Variants in SEMA4D observed in about 807,000 individuals in gnomAD.
The protein encoded by SEMA4D is semaphorin-4D.
Under a neutral mutation model 74.8 loss-of-function variants are expected in SEMA4D, and 22 were observed. The ratio of observed to expected loss-of-function variants is 0.29; its 90% CI spans 0.21 to 0.42. The LOEUF (loss-of-function observed/expected upper bound fraction) is 0.42, where lower values mean the gene tolerates loss of function less well. SEMA4D is among the 10% of genes least tolerant of loss of function. The pLI is 1.00. For synonymous variants in SEMA4D, 445 were observed against 463.7 expected, an observed-to-expected ratio of 0.96 and a Z score of 0.52; for missense variants, 937 against 1,118.4, an observed-to-expected ratio of 0.84 and a Z score of 2.31.
intron 4 of SEMA4D, among the ~76,000 whole-genome samples, chr9:89,402,071 G>T (rs1375211783): frequency 1.3e-5 from 2 of 152,200 alleles, no homozygotes; most frequent in Non-Finnish European, 2.9e-5. Context: ...AGTGGGGCTG[G>T]GTGTGGTGGC....
exon 19 of SEMA4D, chr9:89,362,037 T>C: frequency 2.4e-6 from 1 of 423,492 alleles, no homozygotes; most frequent in Admixed American, 3.5e-5. Flanking sequence ...AGGATCAGCC[T>C]TCAGAGCCTG....
chr9:89,385,273 C>T (rs761966882), intron 13 of SEMA4D: 14 of 985,272 alleles, frequency 1.4e-5, no homozygotes, highest in African/African-American at 5.2e-5. Flanking sequence ...GTCATTCTCA[C>T]GAATGTCCAC....
At chr9:89,476,548 A>T (rs570051495) in intron 1 of SEMA4D, among the ~76,000 whole-genome samples, 50 of 152,294 alleles carry the variant, frequency 3.3e-4, no homozygotes, top group African/African-American at 1.1e-3. Context: ...CCCCAAGGAG[A>T]AGAGCAGAAA....
At chr9:89,480,311 G>C (rs1302361075) in intron 1 of SEMA4D, among the ~76,000 whole-genome samples, 1 of 152,360 alleles carries the variant, frequency 6.6e-6, no homozygotes, top group East Asian at 1.9e-4. Context: ...TAGATATAAA[G>C]ACTCTCCACG....
exon 17 of SEMA4D, chr9:89,363,755 G>A (rs1173686782): frequency 3.7e-6 from 6 of 1,612,894 alleles, no homozygotes; most frequent in Non-Finnish European, 5.1e-6. Flanking sequence ...TCTCATCACA[G>A]CAACCTGCAC....
chr9:89,462,862 T>A (rs1857590703), intron 1 of SEMA4D, among the ~76,000 whole-genome samples: 1 of 79,064 alleles, frequency 1.3e-5, no homozygotes, highest in Non-Finnish European at 2.5e-5. Flanking sequence ...GAGGATCACA[T>A]GAGCCTGGGA....
chr9:89,414,037 T>C (rs1486224948), intron 2 of SEMA4D, among the ~76,000 whole-genome samples: 1 of 152,210 alleles, frequency 6.6e-6, no homozygotes, highest in Admixed American at 6.5e-5. Context: ...CAAAATGCCA[T>C]CTGGGGACTG....
At chr9:89,443,000 G>A (rs772896131) in intron 2 of SEMA4D, among the ~76,000 whole-genome samples, 3 of 152,188 alleles carry the variant, frequency 2.0e-5, no homozygotes, top group African/African-American at 4.8e-5. Flanking sequence ...CACCAGGACC[G>A]TGCTCAGCAG....
intron 9 of SEMA4D, among the ~76,000 whole-genome samples, chr9:89,390,943 A>T (rs1839733843): frequency 6.6e-6 from 1 of 152,230 alleles, no homozygotes; most frequent in South Asian, 2.1e-4. Flanking sequence ...GTAGATTAAG[A>T]GCCAAATGGT....
At chr9:89,428,821 C>T (rs954150754) in intron 2 of SEMA4D, among the ~76,000 whole-genome samples, 8 of 152,224 alleles carry the variant, frequency 5.3e-5, no homozygotes, top group South Asian at 4.1e-4. Context: ...TAGGGAAATA[C>T]GCAAGAAAGC....
exon 19 of SEMA4D, chr9:89,361,595 C>T (rs1832769804): frequency 6.6e-6 from 1 of 152,212 alleles, no homozygotes; most frequent in African/African-American, 2.4e-5. Flanking sequence ...ACTCATGAGA[C>T]TCATTCCATC....
intron 2 of SEMA4D, 96 bp downstream of exon 2, chr9:89,455,792 T>C (rs1855791413): frequency 6.6e-6 from 1 of 152,256 alleles, no homozygotes; most frequent in Non-Finnish European, 1.5e-5. Context: ...GCATCGCTGC[T>C]GACTGAGGAA....
chr9:89,463,305 C>T (rs1273154909), intron 1 of SEMA4D, among the ~76,000 whole-genome samples: 1 of 152,208 alleles, frequency 6.6e-6, no homozygotes, highest in Non-Finnish European at 1.5e-5. Context: ...GGGAAAGCCA[C>T]AGTGGAACAT....
downstream of SEMA4D, among the ~76,000 whole-genome samples, chr9:89,373,282 C>T (rs1279409604): frequency 1.3e-5 from 2 of 152,222 alleles, no homozygotes; most frequent in African/African-American, 2.4e-5. Flanking sequence ...AGACCCACCC[C>T]GATCCCCTTT....
At chr9:89,440,261 A>G (rs1587903976) in intron 2 of SEMA4D, among the ~76,000 whole-genome samples, 1 of 152,242 alleles carries the variant, frequency 6.6e-6, no homozygotes, top group African/African-American at 2.4e-5. Flanking sequence ...AGCAGTGACC[A>G]CAACGCCTTC....
At chr9:89,431,852 C>T (rs574815749) in intron 2 of SEMA4D, among the ~76,000 whole-genome samples, 6 of 152,262 alleles carry the variant, frequency 3.9e-5, no homozygotes, top group Admixed American at 2.6e-4. Context: ...GCCCTAAAGC[C>T]CCCAGAGCAC....
intron 13 of SEMA4D, among the ~76,000 whole-genome samples, chr9:89,384,155 G>A (rs932993193): frequency 1.3e-5 from 2 of 152,298 alleles, no homozygotes; most frequent in Non-Finnish European, 2.9e-5. Flanking sequence ...TGCGCCCAAG[G>A]AATGGAAAGC....
intron 1 of SEMA4D, among the ~76,000 whole-genome samples, chr9:89,496,719 C>G (rs938311111): frequency 6.6e-6 from 1 of 152,266 alleles, no homozygotes; most frequent in African/African-American, 2.4e-5. Flanking sequence ...CTGGCCAGAG[C>G]TGCCTGTTTC....
intron 2 of SEMA4D, among the ~76,000 whole-genome samples, chr9:89,441,460 G>A (rs919006079): frequency 4.6e-5 from 7 of 152,280 alleles, no homozygotes; most frequent in Non-Finnish European, 2.9e-5. Flanking sequence ...CCGAGGTGAT[G>A]ATGGCAGAGG....
Sources: allele counts gnomAD v4.1 joint callset (sites outside exome capture counted in the v4.1 genomes callset), GRCh38; gene constraint gnomAD v4.1.1; transcripts MANE v1.5; gene names NCBI Gene and HGNC (gene_info 2026-07-23, HGNC 2026-07-21).